Variants in GRM7 observed in about 807,000 individuals in gnomAD.
GRM7 encodes glutamate metabotropic receptor 7, also known as metabotropic glutamate receptor 7.
A neutral mutation model predicts 84.5 loss-of-function variants in GRM7; 35 were observed. That is an observed-to-expected ratio of 0.41 (90% CI 0.32 to 0.55). The LOEUF (loss-of-function observed/expected upper bound fraction) is 0.55, where lower values mean the gene tolerates loss of function less well. GRM7 is among the 20% of genes least tolerant of loss of function. The pLI, the probability that GRM7 is intolerant of heterozygous loss-of-function variation, is 0.19. For missense variants in GRM7, 1,003 were observed against 1,194.6 expected (o/e 0.84, Z 2.36); for synonymous variants, 487 against 455.1 (o/e 1.07, Z -0.89).
At position 7,146,968 on chromosome 3, in the gene GRM7, G is replaced by A. The variant is rs548217020; in HGVS notation, c.736+300G>A. On this transcript the variant is annotated intron_variant, in intron 2 of 9. Transcript: ENST00000357716. Reference sequence around the variant, plus strand: ...TAGATTCTAGCCTGTGTATGAAAACGTGGGAAAATGTGGCTGGATGTACCT... The same window carrying A: ...TAGATTCTAGCCTGTGTATGAAAACATGGGAAAATGTGGCTGGATGTACCT... 1.2e-4 allele frequency among the ~76,000 whole-genome samples: 18 copies of A among 152,242 alleles called. No individual in the cohort carries two copies. The East Asian group carries it at 1.9e-3, about 16-fold the overall frequency.
chr3:7,273,174 G>A (rs932425760), intron 2 of GRM7, among the ~76,000 whole-genome samples: 2 of 151,978 alleles, frequency 1.3e-5, no homozygotes, highest in African/African-American at 2.4e-5. Context: ...TTCTGTTATT[G>A]ATTTCAAGTT....
intron 7 of GRM7, among the ~76,000 whole-genome samples, chr3:7,545,523 C>T (rs763244678): frequency 1.3e-5 from 2 of 152,190 alleles, no homozygotes; most frequent in Non-Finnish European, 2.9e-5. Context: ...AGCAACCTTG[C>T]ACAATGCAGT....
intron 2 of GRM7, among the ~76,000 whole-genome samples, chr3:7,167,385 C>T (rs975938509): frequency 1.3e-5 from 2 of 152,154 alleles, no homozygotes; most frequent in South Asian, 2.1e-4. Flanking sequence ...TGGGTTTCCA[C>T]ACATCCCTGC....
chr3:7,431,250 A>C (rs1696819431), intron 5 of GRM7, among the ~76,000 whole-genome samples: 1 of 152,202 alleles, frequency 6.6e-6, no homozygotes, highest in Non-Finnish European at 1.5e-5. Context: ...TGGATTGTTG[A>C]TATATGCAAC....
At chr3:7,406,661 T>A (rs986930321) in intron 4 of GRM7, among the ~76,000 whole-genome samples, 1 of 152,214 alleles carries the variant, frequency 6.6e-6, no homozygotes. Context: ...AAATCAAAGC[T>A]GAGACATTAT....
chr3:7,313,896 G>A (rs759025292), intron 4 of GRM7, among the ~76,000 whole-genome samples: 7 of 150,514 alleles, frequency 4.7e-5, no homozygotes, highest in Non-Finnish European at 1.0e-4. Context: ...GTTCATGAGT[G>A]GCAGCAAAGT....
At chr3:6,886,440 C>G (rs992332723) in intron 1 of GRM7, among the ~76,000 whole-genome samples, 5 of 152,012 alleles carry the variant, frequency 3.3e-5, no homozygotes, top group African/African-American at 1.2e-4. Flanking sequence ...CACATGTATA[C>G]CTATGTAACA....
chr3:7,354,255 C>T (rs1323186247), intron 4 of GRM7, among the ~76,000 whole-genome samples: 1 of 152,146 alleles, frequency 6.6e-6, no homozygotes, highest in East Asian at 1.9e-4. Flanking sequence ...TGGATCTGAA[C>T]TGACACTGAT....
At chr3:7,197,065 C>T (rs186093517) in intron 2 of GRM7, among the ~76,000 whole-genome samples, 4 of 152,240 alleles carry the variant, frequency 2.6e-5, no homozygotes, top group African/African-American at 9.6e-5. Flanking sequence ...TACAAATGTA[C>T]ATTCTTAGCC....
chr3:7,613,012 A>G (rs996675588), intron 8 of GRM7, among the ~76,000 whole-genome samples: 2 of 152,016 alleles, frequency 1.3e-5, no homozygotes, highest in African/African-American at 4.8e-5. Flanking sequence ...TATCAGCAAC[A>G]TGAATATATA....
chr3:7,661,789 C>T (rs768338103), intron 8 of GRM7, among the ~76,000 whole-genome samples: 1 of 15,082 alleles, frequency 6.6e-5, no homozygotes, highest in South Asian at 3.1e-3. Flanking sequence ...GCGAGGTCTC[C>T]GTCTCAAAAA....
chr3:7,229,926 G>A (rs1315565127), intron 2 of GRM7, among the ~76,000 whole-genome samples: 3 of 135,256 alleles, frequency 2.2e-5, no homozygotes, highest in Middle Eastern at 4.0e-3. Flanking sequence ...TGCAAGCTCC[G>A]CCTCCCGGGT....
At chr3:7,635,527 C>T (rs998117708) in intron 8 of GRM7, among the ~76,000 whole-genome samples, 2 of 152,122 alleles carry the variant, frequency 1.3e-5, no homozygotes, top group African/African-American at 4.8e-5. Context: ...CCACTGAAAG[C>T]AATAGTCTGC....
At chr3:7,163,257 A>G (rs1398060675) in intron 2 of GRM7, among the ~76,000 whole-genome samples, 1 of 152,206 alleles carries the variant, frequency 6.6e-6, no homozygotes, top group Non-Finnish European at 1.5e-5. Context: ...ACACAGAAAT[A>G]TCAGAAGAGG....
intron 8 of GRM7, among the ~76,000 whole-genome samples, chr3:7,605,956 G>A (rs1275572366): frequency 2.6e-5 from 4 of 152,012 alleles, no homozygotes; most frequent in African/African-American, 7.2e-5. Flanking sequence ...ACAGGTAATC[G>A]GCCTTATTAT....
chr3:7,628,848 G>A (rs143735612), intron 8 of GRM7, among the ~76,000 whole-genome samples: 1 of 152,166 alleles, frequency 6.6e-6, no homozygotes, highest in Non-Finnish European at 1.5e-5. Context: ...GGAAAATGCA[G>A]AGGTAACACT....
intron 1 of GRM7, among the ~76,000 whole-genome samples, chr3:6,953,000 T>A (rs1692854090): frequency 6.6e-6 from 1 of 152,214 alleles, no homozygotes; most frequent in African/African-American, 2.4e-5. Flanking sequence ...AAGATTCACA[T>A]TCCTACATTA....
Position 7,415,136 on chromosome 3 carries a change from A to G in GRM7, c.1147A>G (p.Lys383Glu). The change falls in exon 5 of 10, where the codon AAA becomes GAA. Residue 383 changes from lysine (K) to glutamate (E), a missense_variant. Lys to Glu is a moderately conservative substitution (Grantham distance 56, BLOSUM62 1). Coordinates refer to ENST00000357716, the MANE Select transcript of GRM7 (RefSeq NM_000844.4). ...CAAGTTGACGATTAGTGGGTCAAAA[A>G]AAGAAGACACAGATCGCAAATGCAC... ...NCKLTISGSK[K>E]EDTDRKCTGQ... 6.2e-7 allele frequency: 1 copy of G among 1,613,202 alleles called. No homozygotes were observed. Among genetic ancestry groups the G allele is most frequent in the Non-Finnish European group, 8.5e-7 (1 of 1,179,262 alleles).
At chr3:6,950,763 C>T (rs1244779637) in intron 1 of GRM7, among the ~76,000 whole-genome samples, 2 of 152,208 alleles carry the variant, frequency 1.3e-5, no homozygotes, top group Non-Finnish European at 2.9e-5. Flanking sequence ...TGGCAGGCGC[C>T]CCTCCCCCAG....
Sources: allele counts gnomAD v4.1 joint callset (sites outside exome capture counted in the v4.1 genomes callset), GRCh38; gene constraint gnomAD v4.1.1; transcripts MANE v1.5; gene names NCBI Gene and HGNC (gene_info 2026-07-23, HGNC 2026-07-21).